Variants in UBXN8 observed in about 807,000 individuals in gnomAD.
UBXN8 encodes UBX domain-containing protein 8.
Under a neutral mutation model 32.1 loss-of-function variants are expected in UBXN8, and 27 were observed. The observed-to-expected ratio is 0.84, with a 90% CI of 0.62 to 1.16. The LOEUF (loss-of-function observed/expected upper bound fraction) is 1.16. Ranked by LOEUF, UBXN8 falls within the 50% of genes most tolerant of loss-of-function variation. UBXN8 has a pLI of 0.00. For missense variants in UBXN8, 306 were observed against 311.4 expected (o/e 0.98, Z 0.13); for synonymous variants, 109 against 111.8 (o/e 0.98, Z 0.16).
intron 5 of UBXN8, among the ~76,000 whole-genome samples, chr8:30,758,649 G>A (rs749371715): frequency 2.0e-5 from 3 of 152,162 alleles, no homozygotes; most frequent in African/African-American, 7.2e-5. Context: ...GAAAAAGATC[G>A]ATATGAACTA....
intron 5 of UBXN8, among the ~76,000 whole-genome samples, chr8:30,757,596 C>G (rs1805697350): frequency 6.6e-6 from 1 of 151,228 alleles, no homozygotes; most frequent in African/African-American, 2.4e-5. Flanking sequence ...CATGGTGGCT[C>G]ATGCCTGTAA....
rs919239671 is a variant in UBXN8 at position 30,762,581 on chromosome 8, T to C, written c.571-692T>C. 5.3e-5 allele frequency among the ~76,000 whole-genome samples: 8 copies of C among 151,820 alleles called. No homozygotes were observed. In the South Asian group the frequency reaches 1.7e-3, roughly 32 times the overall value. On this transcript the variant is annotated intron_variant, in intron 6 of 7. Coordinates refer to ENST00000265616, the MANE Select transcript of UBXN8 (RefSeq NM_005671.4). ...CTAATATTTGTATTTTTAGTAGAGA[T>C]GGGGTTTCACCGTGTTGGCCAGGCT... is the stretch of plus-strand genomic sequence containing the variant.
intron 3 of UBXN8, 69 bp downstream of exon 3, chr8:30,753,174 G>A: frequency 7.2e-7 from 1 of 1,396,798 alleles, no homozygotes; most frequent in Non-Finnish European, 9.3e-7. Context: ...TTAAAATTAA[G>A]GGCTGTTGCT....
Position 30,751,500 on chromosome 8 carries a change from C to G in UBXN8, c.193C>G (p.Pro65Ala), listed in dbSNP as rs1349662564. The change falls in exon 2 of 8, where the codon CCC (proline) becomes GCC (alanine). Residue 65 changes from proline (P) to alanine (A), a missense_variant. Pro to Ala is a conservative substitution (Grantham distance 27, BLOSUM62 -1). Transcript: ENST00000265616. ...CTCATGGCTTAACTCATTTAAATCT[C>G]CCCAAGTTTATCTGAAGGGTAAGTT... ...TTSWLNSFKS[P>A]QVYLKEEEEK... The G allele has an allele frequency of 6.2e-7, 1 of 1,603,854 alleles. No individual in the cohort carries two copies. The highest frequency in any genetic ancestry group is 1.1e-5 in the South Asian group (1 of 88,528).
intron 5 of UBXN8, among the ~76,000 whole-genome samples, chr8:30,759,183 A>T (rs1414021451): frequency 6.6e-6 from 1 of 151,278 alleles, no homozygotes. Flanking sequence ...GTGAGCCACC[A>T]CGCCCGGCCA....
chr8:30,739,316 G>A (rs1017471586), upstream of UBXN8, among the ~76,000 whole-genome samples: 16 of 150,712 alleles, frequency 1.1e-4, no homozygotes, highest in African/African-American at 3.2e-4. Flanking sequence ...AGGCCGAGGC[G>A]GGTGGATCAC....
intron 1 of UBXN8, among the ~76,000 whole-genome samples, chr8:30,736,066 T>C (rs1299032299): frequency 3.3e-5 from 5 of 152,342 alleles, no homozygotes; most frequent in Non-Finnish European, 1.5e-5. Flanking sequence ...ATAATTGCAG[T>C]CACTTAGGAT....
At chr8:30,744,130 T>C (rs779424432), upstream of UBXN8, 74 of 1,544,958 alleles carry the variant, frequency 4.8e-5, no homozygotes, top group Non-Finnish European at 6.4e-5. Flanking sequence ...TCCACTTCCT[T>C]CCCGGAAAAC....
Position 30,756,666 on chromosome 8 carries a change from T to C in UBXN8, c.406-99T>C, listed in dbSNP as rs934853283. 4.0e-6 allele frequency: 6 copies of C among 1,518,126 alleles called. No homozygotes were observed. In the Admixed American group the frequency reaches 8.1e-5, roughly 21 times the overall value. The allele number at this position is 1,518,126 out of a possible 1,614,324, so 94.0% of individuals were successfully genotyped here. ...GCTTGCTAATATTTTTCTACTGATATGCCATCAGGGTAAAAAAAGGAAAAA... is the reference window on the plus strand; with the variant it reads ...GCTTGCTAATATTTTTCTACTGATACGCCATCAGGGTAAAAAAAGGAAAAA... On this transcript the variant is annotated intron_variant, in intron 4 of 7. Transcript: ENST00000265616.
chr8:30,766,517 A>G lies in UBXN8; in HGVS notation c.*123A>G, dbSNP rs1806012578. On this transcript the variant is annotated 3_prime_UTR_variant, in exon 8 of 8. Transcript: ENST00000265616. ...GAGCTCATGGCAGTAAACTTTGAAC[A>G]TTGATATCCATGGGAATAGGATTAG... 1.0e-6 allele frequency: 1 copy of G among 969,954 alleles called. No homozygotes were observed. The highest frequency in any genetic ancestry group is 1.6e-5 in the African/African-American group (1 of 60,758). 60.1% of individuals were successfully genotyped at this position (969,954 alleles called of 1,614,324 possible). A position where few individuals can be genotyped will look rare whatever the true frequency, so the allele number is the denominator to read the frequency against.
At chr8:30,754,459 A>G in intron 3 of UBXN8, 1 of 641,232 alleles carries the variant, frequency 1.6e-6, no homozygotes, top group Non-Finnish European at 2.9e-6. Context: ...TGTCATAATC[A>G]GGCAGGTCAA....
upstream of UBXN8, among the ~76,000 whole-genome samples, chr8:30,739,360 C>G (rs367887819): frequency 7.8e-5 from 11 of 141,744 alleles, no homozygotes; most frequent in African/African-American, 2.2e-4. Context: ...CTGGCTAACA[C>G]GGTGAAACCC....
intron 4 of UBXN8, 107 bp from the exon 5 acceptor site, chr8:30,756,658 T>C: frequency 6.7e-7 from 1 of 1,484,214 alleles, no homozygotes; most frequent in Non-Finnish European, 9.0e-7. Flanking sequence ...AATATTTTTC[T>C]ACTGATATGC....
At chr8:30,737,231 C>G (rs994185248) in intron 1 of UBXN8, among the ~76,000 whole-genome samples, 2 of 151,702 alleles carry the variant, frequency 1.3e-5, no homozygotes, top group Non-Finnish European at 1.5e-5. Flanking sequence ...CTTGTGTTAC[C>G]TTCTGCTTTT....
At chr8:30,739,284 C>T (rs577262966), upstream of UBXN8, among the ~76,000 whole-genome samples, 421 of 151,126 alleles carry the variant, frequency 2.8e-3, 7 homozygotes, top group African/African-American at 9.5e-3. Context: ...GTGGCTCACG[C>T]CTGTAATCCC....
chr8:30,760,441 A>ATTTTTTTT (rs1263036658), intron 5 of UBXN8, among the ~76,000 whole-genome samples: 21 of 49,118 alleles, frequency 4.3e-4, no homozygotes, highest in African/African-American at 9.4e-4. Flanking sequence ...ATATATATAT[A>ATTTTTTTT]TATTTTTTTT....
chr8:30,747,456 G>A (rs374827586), intron 1 of UBXN8, among the ~76,000 whole-genome samples: 1 of 139,004 alleles, frequency 7.2e-6, no homozygotes, highest in South Asian at 2.6e-4. Flanking sequence ...GATTACTGGT[G>A]TGCACCACTG....
At chr8:30,744,134 G>A (rs1805287282), upstream of UBXN8, 6 of 1,563,190 alleles carry the variant, frequency 3.8e-6, no homozygotes, top group Non-Finnish European at 5.2e-6. Context: ...CTTCCTTCCC[G>A]GAAAACGCGG....
At chr8:30,748,311 AAT>A (rs1029693878) in intron 1 of UBXN8, among the ~76,000 whole-genome samples, 1 of 150,840 alleles carries the variant, frequency 6.6e-6, no homozygotes, top group Non-Finnish European at 1.5e-5. Context: ...ATTTGGAAAA[AAT>A]ATATATATAT....
Sources: gnomAD v4.1 joint callset for allele counts (sites outside exome capture counted in the v4.1 genomes callset) on GRCh38, gnomAD v4.1.1 for gene constraint, MANE v1.5 for transcripts, NCBI Gene and HGNC (gene_info 2026-07-23, HGNC 2026-07-21) for gene names.